The following LARGE1 variants were observed in gnomAD, a reference collection of about 807,000 sequenced individuals.
The protein encoded by LARGE1 is LARGE xylosyl- and glucuronyltransferase 1, also known as xylosyl- and glucuronyltransferase LARGE1.
Under a neutral mutation model 87.6 loss-of-function variants are expected in LARGE1, and 43 were observed. The ratio of observed to expected loss-of-function variants is 0.49; its 90% CI spans 0.38 to 0.63. The LOEUF (loss-of-function observed/expected upper bound fraction) is 0.63, where lower values mean the gene tolerates loss of function less well. Among genes scored for constraint, LARGE1 ranks in the 30% least tolerant of loss-of-function variants. The pLI, the probability that LARGE1 is intolerant of heterozygous loss-of-function variation, is 0.00. For missense variants in LARGE1, 802 were observed against 1,000.2 expected, an observed-to-expected ratio of 0.80 and a Z score of 2.67; for synonymous variants, 434 against 394.6, an observed-to-expected ratio of 1.10 and a Z score of -1.18.
At chr22:33,694,692 A>G (rs1486332667) in intron 2 of LARGE1, among the ~76,000 whole-genome samples, 1 of 151,966 alleles carries the variant, frequency 6.6e-6, no homozygotes, top group South Asian at 2.1e-4. Flanking sequence ...ATACACATAC[A>G]TGGAGAGAGA....
chr22:33,198,676 C>CACACACACACAT (rs60375534), intron 11 of LARGE1, among the ~76,000 whole-genome samples: 1 of 148,572 alleles, frequency 6.7e-6, no homozygotes. Context: ...CACACACACA[C>CACACACACACAT]GTATCTAAAA....
At chr22:33,732,466 G>A (rs1051486056) in intron 2 of LARGE1, 1 of 152,620 alleles carries the variant, frequency 6.6e-6, no homozygotes, top group Non-Finnish European at 1.5e-5. Context: ...CGCAGGAGAA[G>A]CGGGGAGAAG....
At chr22:33,247,150 T>C (rs1926803704) in intron 11 of LARGE1, among the ~76,000 whole-genome samples, 1 of 151,238 alleles carries the variant, frequency 6.6e-6, no homozygotes, top group South Asian at 2.1e-4. Flanking sequence ...CTTTTAAAGT[T>C]GCACAGAGTG....
At chr22:33,442,124 A>G (rs1304231786) in intron 6 of LARGE1, among the ~76,000 whole-genome samples, 2 of 152,180 alleles carry the variant, frequency 1.3e-5, no homozygotes, top group Non-Finnish European at 2.9e-5. Context: ...GACGTTGCTT[A>G]TTATAAGCAA....
At chr22:33,732,150 C>T (rs1006024740) in intron 2 of LARGE1, 1 of 152,180 alleles carries the variant, frequency 6.6e-6, no homozygotes, top group Admixed American at 6.5e-5. Flanking sequence ...CACCTCTAGG[C>T]CTGAAGTGGT....
intron 3 of LARGE1, among the ~76,000 whole-genome samples, chr22:33,635,346 C>T (rs2080238734): frequency 6.6e-6 from 1 of 152,070 alleles, no homozygotes; most frequent in Non-Finnish European, 1.5e-5. Context: ...GTTCAGCCTG[C>T]GGTCACTGGT....
intron 6 of LARGE1, among the ~76,000 whole-genome samples, chr22:33,554,586 G>C (rs963716130): frequency 3.9e-5 from 6 of 152,066 alleles, no homozygotes; most frequent in African/African-American, 1.4e-4. Context: ...CCCTTGCTCT[G>C]ACTCCAAGGC....
chr22:33,610,868 C>T (rs2079407435), intron 4 of LARGE1, among the ~76,000 whole-genome samples: 2 of 152,156 alleles, frequency 1.3e-5, no homozygotes, highest in South Asian at 2.1e-4. Context: ...CTGCTCTTTG[C>T]ATTGTGGCCT....
At chr22:33,090,639 G>A in the LARGE1 span, among the ~76,000 whole-genome samples, 1 of 152,166 alleles carries the variant, frequency 6.6e-6, no homozygotes, top group Non-Finnish European at 1.5e-5. Context: ...GGCTTTGTAG[G>A]ACATTGTAAA....
intron 2 of LARGE1, among the ~76,000 whole-genome samples, chr22:33,760,776 T>C (rs1569431695): frequency 6.6e-6 from 1 of 152,048 alleles, no homozygotes; most frequent in African/African-American, 2.4e-5. Context: ...AAGAATTAGC[T>C]GAGTGTGGTG....
chr22:33,359,220 C>A (rs2064290886), intron 9 of LARGE1, among the ~76,000 whole-genome samples: 1 of 152,064 alleles, frequency 6.6e-6, no homozygotes, highest in African/African-American at 2.4e-5. Context: ...AAACTCATTG[C>A]TGTATCAGAG....
chr22:33,166,845 G>A (rs1922302302), intron 11 of LARGE1: 1 of 471,352 alleles, frequency 2.1e-6, no homozygotes. Flanking sequence ...AGAAGCAAAA[G>A]AGAATGAGAA....
chr22:33,559,335 C>T (rs1022071819), intron 6 of LARGE1, among the ~76,000 whole-genome samples: 3 of 152,310 alleles, frequency 2.0e-5, no homozygotes, highest in African/African-American at 7.2e-5. Flanking sequence ...GCACACACCA[C>T]CACGCCCAGC....
chr22:33,185,307 G>C (rs1374093592), intron 11 of LARGE1, among the ~76,000 whole-genome samples: 3 of 152,118 alleles, frequency 2.0e-5, no homozygotes, highest in Non-Finnish European at 4.4e-5. Flanking sequence ...ATCTGAAAAA[G>C]CTACATACTG....
At chr22:33,435,351 T>C (rs2067230564) in intron 6 of LARGE1, among the ~76,000 whole-genome samples, 1 of 152,136 alleles carries the variant, frequency 6.6e-6, no homozygotes. Context: ...AAAGATGAAG[T>C]TGGCAATATT....
At chr22:33,106,601 T>C in the LARGE1 span, among the ~76,000 whole-genome samples, 1 of 152,120 alleles carries the variant, frequency 6.6e-6, no homozygotes, top group South Asian at 2.1e-4. Context: ...GTTGAAGCGA[T>C]TCTCCTGCCT....
intron 4 of LARGE1, among the ~76,000 whole-genome samples, chr22:33,615,950 T>A (rs1075829): frequency 0.78 from 118,190 of 152,046 alleles, 46,787 homozygotes; most frequent in African/African-American, 0.94. Flanking sequence ...GGGAAATGCA[T>A]ATCAAAACCA....
the LARGE1 span, among the ~76,000 whole-genome samples, chr22:33,150,520 A>G: frequency 1.3e-5 from 2 of 152,142 alleles, no homozygotes; most frequent in Non-Finnish European, 2.9e-5. Flanking sequence ...TCCCTTCTAC[A>G]AAGTTAAAAT....
At position 33,721,991 on chromosome 22, in the gene LARGE1, C is replaced by T. The variant is rs555305572; in HGVS notation, c.106+39380G>A. The stretch of plus-strand genomic sequence containing the variant: ...TGTTGGCTGAGCGCAGTGGCTCACG[C>T]CTGTAATCCCAGCAGTTTGGGAGGT... On this transcript the variant is annotated intron_variant, in intron 2 of 14. Transcript: ENST00000397394. Among the ~76,000 whole-genome samples, 352 of 152,286 alleles carry T rather than the reference C, an allele frequency of 2.3e-3. 4 individuals are homozygous for T. The highest frequency in any genetic ancestry group is 8.2e-3 in the African/African-American group (340 of 41,556).
Sources: gnomAD v4.1 joint callset for allele counts (sites outside exome capture counted in the v4.1 genomes callset) on GRCh38, gnomAD v4.1.1 for gene constraint, MANE v1.5 for transcripts, NCBI Gene and HGNC (gene_info 2026-07-23, HGNC 2026-07-21) for gene names.